UTRN: variants seen among roughly 807,000 people sequenced by gnomAD.
UTRN encodes the protein dystrophin-related protein 1.
UTRN carries 283 observed loss-of-function variants against 463.9 expected under a neutral mutation model. The ratio of observed to expected loss-of-function variants is 0.61; its 90% CI spans 0.55 to 0.67. The LOEUF is 0.67. Among genes scored for constraint, UTRN ranks in the 30% least tolerant of loss-of-function variants. The pLI is 0.00. For synonymous variants in UTRN, 1,442 were observed against 1,431.5 expected, an observed-to-expected ratio of 1.01 and a Z score of -0.17; for missense variants, 3,922 against 4,084.3, an observed-to-expected ratio of 0.96 and a Z score of 1.08.
At chr6:144,695,504 C>T (rs1783907135) in intron 52 of UTRN, among the ~76,000 whole-genome samples, 1 of 152,114 alleles carries the variant, frequency 6.6e-6, no homozygotes, top group Admixed American at 6.5e-5. Flanking sequence ...CCATTACGCC[C>T]AGCTAATTTT....
At chr6:144,634,343 G>A (rs558747207) in intron 51 of UTRN, among the ~76,000 whole-genome samples, 7 of 152,288 alleles carry the variant, frequency 4.6e-5, no homozygotes, top group Middle Eastern at 3.4e-3. Flanking sequence ...GTGACTGTCC[G>A]TCAGGGTCAT....
At chr6:144,474,576 A>G in intron 24 of UTRN, 28 bp from the exon 25 acceptor site, 1 of 1,597,242 alleles carries the variant, frequency 6.3e-7, no homozygotes, top group Non-Finnish European at 8.5e-7. Flanking sequence ...ATAGTAATGA[A>G]CTCAACATGC....
chr6:144,781,505 A>T (rs1358656484), intron 60 of UTRN, among the ~76,000 whole-genome samples: 1 of 152,188 alleles, frequency 6.6e-6, no homozygotes, highest in Admixed American at 6.5e-5. Context: ...GAATGAAGAG[A>T]GCAGTGCACA....
At chr6:144,789,400 C>CGTA (rs1776568700) in intron 62 of UTRN, 121 bp downstream of exon 62, 2 of 812,582 alleles carry the variant, frequency 2.5e-6, no homozygotes, top group South Asian at 4.1e-5. Context: ...TTTTTTAACC[C>CGTA]TTACTGTGCC....
intron 73 of UTRN, among the ~76,000 whole-genome samples, chr6:144,843,465 A>G (rs1404468467): frequency 6.6e-6 from 1 of 152,232 alleles, no homozygotes; most frequent in Non-Finnish European, 1.5e-5. Flanking sequence ...AAAATAAATA[A>G]TCATAATTTA....
chr6:144,395,570 A>C (rs1782334069), intron 2 of UTRN, among the ~76,000 whole-genome samples: 1 of 152,216 alleles, frequency 6.6e-6, no homozygotes, highest in African/African-American at 2.4e-5. Context: ...AAAAAACTTG[A>C]GTTTGTTGAA....
chr6:144,603,632 C>A (rs768721342), intron 51 of UTRN, among the ~76,000 whole-genome samples: 1 of 151,942 alleles, frequency 6.6e-6, no homozygotes, highest in African/African-American at 2.4e-5. Context: ...GTTCTGTCAT[C>A]GAAGTAATGA....
At chr6:144,389,421 A>C (rs574569977) in intron 2 of UTRN, among the ~76,000 whole-genome samples, 3 of 152,226 alleles carry the variant, frequency 2.0e-5, no homozygotes, top group Admixed American at 6.5e-5. Context: ...AGTTTACCTG[A>C]GTATGCTGCT....
intron 41 of UTRN, among the ~76,000 whole-genome samples, chr6:144,530,315 A>G (rs1389996384): frequency 6.6e-6 from 1 of 152,098 alleles, no homozygotes; most frequent in East Asian, 1.9e-4. Context: ...TGACTCTTCC[A>G]CCTATTATAA....
intron 3 of UTRN, among the ~76,000 whole-genome samples, chr6:144,410,796 A>ATGTGTGTGTGTGTG (rs112535909): frequency 3.5e-5 from 5 of 141,176 alleles, no homozygotes; most frequent in African/African-American, 1.4e-4. Context: ...TGGTGTGTAT[A>ATGTGTGTGTGTGTG]TGTGTGTGTG....
chr6:144,788,861 C>T (rs990544640), intron 61 of UTRN, among the ~76,000 whole-genome samples: 14 of 152,134 alleles, frequency 9.2e-5, no homozygotes, highest in African/African-American at 2.9e-4. Flanking sequence ...CTGTGCCCAG[C>T]CAATTCATAA....
In UTRN at chr6:144,523,095, C is replaced by T; in HGVS notation, c.5813C>T (p.Ala1938Val). Residue 1938 changes from alanine (A) to valine (V), a missense_variant, in exon 41 of 75, where the codon GCC (alanine) becomes GTC (valine). Ala to Val is a moderately conservative substitution (Grantham distance 64, BLOSUM62 0). Coordinates refer to ENST00000367545, the MANE Select transcript of UTRN (RefSeq NM_007124.3). ...HEKQPDVILEASGPEAIQIRD... is the reference protein window; with the variant it reads ...HEKQPDVILEVSGPEAIQIRD... ...AAACAGCCAGATGTCATCCTTGAAG[C>T]CTCTGGACCTGAAGCCATTCAGATC... 3 of 1,613,434 alleles carry T rather than the reference C, an allele frequency of 1.9e-6. No homozygotes were observed. The highest frequency in any genetic ancestry group is 1.3e-5 in the African/African-American group (1 of 74,978).
intron 2 of UTRN, among the ~76,000 whole-genome samples, chr6:144,323,290 A>G (rs1373543513): frequency 2.0e-5 from 3 of 152,220 alleles, no homozygotes; most frequent in African/African-American, 7.2e-5. Flanking sequence ...CACTAGGTAA[A>G]TGGTGGATTA....
chr6:144,765,413 T>G (rs1793189073), intron 58 of UTRN, among the ~76,000 whole-genome samples: 3 of 152,290 alleles, frequency 2.0e-5, no homozygotes, highest in Middle Eastern at 6.8e-3. Flanking sequence ...TGAAATTACT[T>G]TAAGTGTATT....
chr6:144,393,353 T>C (rs905200184), intron 2 of UTRN, among the ~76,000 whole-genome samples: 5 of 152,256 alleles, frequency 3.3e-5, no homozygotes, highest in Non-Finnish European at 1.5e-5. Context: ...AAAATGTGCA[T>C]GGAAATTCTT....
At chr6:144,762,920 C>T (rs1266837757) in intron 58 of UTRN, among the ~76,000 whole-genome samples, 1 of 152,088 alleles carries the variant, frequency 6.6e-6, no homozygotes, top group Non-Finnish European at 1.5e-5. Context: ...CTTATAACAC[C>T]TTCTCTAAAG....
At chr6:144,486,162 A>T (rs1792426290) in intron 28 of UTRN, among the ~76,000 whole-genome samples, 1 of 152,204 alleles carries the variant, frequency 6.6e-6, no homozygotes, top group East Asian at 1.9e-4. Context: ...ATAGGCTTTT[A>T]AAAATGTCAT....
intron 64 of UTRN, chr6:144,799,373 T>A (rs2128745878): frequency 2.2e-6 from 1 of 458,220 alleles, no homozygotes. Context: ...AAAAGACAGG[T>A]AGGTAGTGTG....
intron 2 of UTRN, among the ~76,000 whole-genome samples, chr6:144,297,929 G>T (rs531478228): frequency 6.6e-6 from 1 of 152,286 alleles, no homozygotes; most frequent in Non-Finnish European, 1.5e-5. Flanking sequence ...ACAGAACAGA[G>T]AACTCAATTT....
Sources: gnomAD v4.1 joint callset for allele counts (sites outside exome capture counted in the v4.1 genomes callset) on GRCh38, gnomAD v4.1.1 for gene constraint, MANE v1.5 for transcripts, NCBI Gene and HGNC (gene_info 2026-07-23, HGNC 2026-07-21) for gene names.